The following STK39 variants were observed in gnomAD, a reference collection of about 807,000 sequenced individuals.
STK39 encodes STE20/SPS1-related proline-alanine-rich protein kinase.
A neutral mutation model predicts 77.8 loss-of-function variants in STK39; 20 were observed. That is an observed-to-expected ratio of 0.26 (90% CI 0.18 to 0.37). The LOEUF (loss-of-function observed/expected upper bound fraction) is 0.37. Among genes scored for constraint, STK39 ranks in the 10% least tolerant of loss-of-function variants. The pLI is 1.00. For missense variants in STK39, 479 were observed against 656.5 expected, an observed-to-expected ratio of 0.73 and a Z score of 2.95; for synonymous variants, 246 against 234.1, an observed-to-expected ratio of 1.05 and a Z score of -0.47.
intron 1 of STK39, among the ~76,000 whole-genome samples, chr2:168,232,472 A>G (rs1217952691): frequency 1.3e-5 from 2 of 152,218 alleles, no homozygotes; most frequent in African/African-American, 2.4e-5. Context: ...TTTTAATATG[A>G]TAGACGAACA....
chr2:168,101,288 T>C (rs1686817290), intron 10 of STK39, among the ~76,000 whole-genome samples: 1 of 152,166 alleles, frequency 6.6e-6, no homozygotes, highest in African/African-American at 2.4e-5. Flanking sequence ...CAAACCACCA[T>C]GGCACATGTA....
intron 16 of STK39, among the ~76,000 whole-genome samples, chr2:167,971,762 CT>C (rs746810294): frequency 5.0e-4 from 76 of 152,318 alleles, no homozygotes; most frequent in Non-Finnish European, 9.3e-4. Flanking sequence ...AACTGGCTGA[CT>C]TTGGATAAGT....
At chr2:168,226,953 G>A (rs1690324417) in intron 1 of STK39, among the ~76,000 whole-genome samples, 1 of 152,158 alleles carries the variant, frequency 6.6e-6, no homozygotes, top group Non-Finnish European at 1.5e-5. Flanking sequence ...AATAGCAATG[G>A]ATCCAGAATA....
At chr2:168,175,487 A>G (rs1365275066) in intron 2 of STK39, among the ~76,000 whole-genome samples, 4 of 152,244 alleles carry the variant, frequency 2.6e-5, no homozygotes, top group Non-Finnish European at 5.9e-5. Flanking sequence ...GAAAACAATT[A>G]AAAGTAAATT....
chr2:168,004,299 C>G (rs1361559862), intron 16 of STK39, among the ~76,000 whole-genome samples: 1 of 152,078 alleles, frequency 6.6e-6, no homozygotes, highest in Non-Finnish European at 1.5e-5. Flanking sequence ...AGTTAACTGG[C>G]ACAGTTTTAA....
At chr2:168,042,915 G>C (rs1376013077) in intron 14 of STK39, among the ~76,000 whole-genome samples, 1 of 152,136 alleles carries the variant, frequency 6.6e-6, no homozygotes, top group Non-Finnish European at 1.5e-5. Flanking sequence ...AGGGTCCATA[G>C]ATGGGTTTCT....
chr2:168,174,154 G>A lies in STK39; in HGVS notation c.322-6747C>T, dbSNP rs186868537. On this transcript the variant is annotated intron_variant, in intron 2 of 17. Coordinates refer to ENST00000355999, the MANE Select transcript of STK39 (RefSeq NM_013233.3). ...AAACATTTTTAAGAAATCAGGAAAA[G>A]GAAAGCATAAATTTTGTGATAGCCT... 7.3e-4 allele frequency among the ~76,000 whole-genome samples: 111 copies of A among 152,292 alleles called. No individual in the cohort carries two copies. The East Asian group carries it at 0.015, about 21-fold the overall frequency.
chr2:168,133,582 A>C (rs1687756369), intron 8 of STK39, among the ~76,000 whole-genome samples: 1 of 152,144 alleles, frequency 6.6e-6, no homozygotes. Context: ...AAAATGACAG[A>C]GGGGCCAGGA....
intron 1 of STK39, among the ~76,000 whole-genome samples, chr2:168,193,791 G>A (rs1689400442): frequency 6.6e-6 from 1 of 152,246 alleles, no homozygotes; most frequent in Non-Finnish European, 1.5e-5. Flanking sequence ...GTATGGGACA[G>A]GGGTGAGTTC....
At chr2:168,008,371 C>A (rs1489708824) in intron 16 of STK39, among the ~76,000 whole-genome samples, 1 of 152,126 alleles carries the variant, frequency 6.6e-6, no homozygotes, top group Non-Finnish European at 1.5e-5. Flanking sequence ...AAAGAAAAGT[C>A]AAGGACAATG....
At chr2:168,162,660 G>A (rs903828231) in intron 4 of STK39, among the ~76,000 whole-genome samples, 4 of 152,054 alleles carry the variant, frequency 2.6e-5, no homozygotes, top group African/African-American at 9.7e-5. Context: ...TAAAACCTGT[G>A]TAATCTTAGT....
At chr2:167,974,523 T>C (rs1559040239) in intron 16 of STK39, among the ~76,000 whole-genome samples, 1 of 152,198 alleles carries the variant, frequency 6.6e-6, no homozygotes, top group Non-Finnish European at 1.5e-5. Context: ...TAGTGAATGA[T>C]ATTAATATAT....
rs113712069 is a variant in STK39 at position 168,135,725 on chromosome 2, T to C, written c.974+2363A>G. On this transcript the variant is annotated intron_variant, in intron 8 of 17. Transcript: ENST00000355999. ...TCCATTCTTACATTGCATAGATTTTTCCCCCCGCAAACTCAACCTACGTGT... is the reference window on the plus strand; with the variant it reads ...TCCATTCTTACATTGCATAGATTTTCCCCCCCGCAAACTCAACCTACGTGT... Among the ~76,000 whole-genome samples, 1,113 of 152,236 alleles carry C rather than the reference T, an allele frequency of 7.3e-3. 13 individuals carry two copies. Among genetic ancestry groups the C allele is most frequent in the Non-Finnish European group, 0.012 (837 of 68,018 alleles).
chr2:168,074,615 G>A (rs1255509858), intron 12 of STK39, among the ~76,000 whole-genome samples: 2 of 152,156 alleles, frequency 1.3e-5, no homozygotes, highest in African/African-American at 4.8e-5. Flanking sequence ...TTGCCTGTAT[G>A]GTTACTATGT....
At chr2:168,106,370 CTTAGT>C (rs1686974106) in intron 10 of STK39, among the ~76,000 whole-genome samples, 1 of 152,180 alleles carries the variant, frequency 6.6e-6, no homozygotes, top group Admixed American at 6.5e-5. Context: ...CAATCTTTGA[CTTAGT>C]TTAAACTTAA....
chr2:168,086,917 C>T (rs1160397070), intron 10 of STK39, among the ~76,000 whole-genome samples: 4 of 152,200 alleles, frequency 2.6e-5, no homozygotes. Flanking sequence ...TATGGCATTT[C>T]CCCAAGTGAG....
At chr2:168,241,512 GTCTC>G (rs1442865710) in intron 1 of STK39, among the ~76,000 whole-genome samples, 1 of 152,192 alleles carries the variant, frequency 6.6e-6, no homozygotes, top group African/African-American at 2.4e-5. Flanking sequence ...AGCTCCACAG[GTCTC>G]TTCAGTTTCC....
intron 13 of STK39, 49 bp from the exon 14 acceptor site, chr2:168,063,619 A>G (rs752142467): frequency 6.6e-7 from 1 of 1,512,846 alleles, no homozygotes; most frequent in Non-Finnish European, 9.0e-7. Context: ...TCAGGAAAGG[A>G]ATGAATAAAA....
chr2:168,097,521 T>C (rs1423137284), intron 10 of STK39, among the ~76,000 whole-genome samples: 2 of 152,030 alleles, frequency 1.3e-5, no homozygotes, highest in African/African-American at 4.8e-5. Flanking sequence ...GGCAAGGAGA[T>C]TGAGACACAC....
Sources: allele counts gnomAD v4.1 joint callset (sites outside exome capture counted in the v4.1 genomes callset), GRCh38; gene constraint gnomAD v4.1.1; transcripts MANE v1.5; gene names NCBI Gene and HGNC (gene_info 2026-07-23, HGNC 2026-07-21).